Variants in PIK3R5 observed in about 807,000 individuals in gnomAD.
PIK3R5 encodes phosphoinositide-3-kinase regulatory subunit 5, also known as phosphoinositide 3-kinase regulatory subunit 5.
Under a neutral mutation model 94.9 loss-of-function variants are expected in PIK3R5, and 32 were observed. The observed-to-expected ratio is 0.34, with a 90% CI of 0.25 to 0.45. The LOEUF (loss-of-function observed/expected upper bound fraction) is 0.45. PIK3R5 is among the 20% of genes least tolerant of loss of function. The pLI, the probability that PIK3R5 is intolerant of heterozygous loss-of-function variation, is 1.00. For missense variants in PIK3R5, 853 were observed against 1,144.6 expected (o/e 0.75, Z 3.68); for synonymous variants, 443 against 479.4 (o/e 0.92, Z 0.99).
intron 5 of PIK3R5, among the ~76,000 whole-genome samples, chr17:8,900,891 C>T (rs754098325): frequency 5.3e-5 from 8 of 152,120 alleles, no homozygotes; most frequent in Non-Finnish European, 1.0e-4. Flanking sequence ...GGGAAGTGGT[C>T]TCCCCACAGG....
chr17:8,964,312 G>C (rs576382703), intron 1 of PIK3R5, among the ~76,000 whole-genome samples: 7 of 152,138 alleles, frequency 4.6e-5, no homozygotes, highest in African/African-American at 1.7e-4. Context: ...GATTGCTTGA[G>C]CCTGGGAATT....
chr17:8,887,731 G>A lies in PIK3R5; in HGVS notation c.1617-48C>T, dbSNP rs372758982. ...AAGGGGAATGGGCATGGTGGCTCAC[G>A]CCTGTAATCCCAGCACTTTGGGAGG... On this transcript the variant is annotated intron_variant, in intron 10 of 18. Coordinates refer to ENST00000447110, the MANE Select transcript of PIK3R5 (RefSeq NM_001142633.3). 82 of 1,529,952 alleles carry A rather than the reference G, an allele frequency of 5.4e-5. No homozygotes were observed. In the African/African-American group the frequency reaches 8.4e-4, roughly 16 times the overall value. The allele number at this position is 1,529,952 out of a possible 1,614,324, so 94.8% of individuals were successfully genotyped here.
intron 1 of PIK3R5, among the ~76,000 whole-genome samples, chr17:8,949,715 C>T (rs749409493): frequency 4.0e-4 from 61 of 152,032 alleles, no homozygotes; most frequent in Admixed American, 1.3e-3. Context: ...CTAAGCTATA[C>T]GGATGCAAAG....
chr17:8,942,963 T>TACACACATACACAC (rs1555552847), intron 1 of PIK3R5, among the ~76,000 whole-genome samples: 1 of 149,068 alleles, frequency 6.7e-6, no homozygotes, highest in Non-Finnish European at 1.5e-5. Context: ...GATCACGTCA[T>TACACACATACACAC]ACACACACAC....
At chr17:8,905,577 T>G in intron 4 of PIK3R5, 92 bp downstream of exon 4, 2 of 851,946 alleles carry the variant, frequency 2.3e-6, no homozygotes, top group Non-Finnish European at 3.6e-6. Flanking sequence ...CTCTCTCTGC[T>G]TATCTCCAGA....
chr17:8,924,238 C>T (rs1387789375), intron 1 of PIK3R5, among the ~76,000 whole-genome samples: 1 of 126,964 alleles, frequency 7.9e-6, no homozygotes, highest in Non-Finnish European at 1.7e-5. Context: ...GTCACAATGC[C>T]TGGCTAATTT....
At chr17:8,936,674 G>A (rs550431084) in intron 1 of PIK3R5, among the ~76,000 whole-genome samples, 1 of 152,230 alleles carries the variant, frequency 6.6e-6, no homozygotes, top group East Asian at 1.9e-4. Context: ...CTCTATAGCA[G>A]GTCTTAGTAA....
At chr17:8,946,258 G>A (rs546298846) in intron 1 of PIK3R5, among the ~76,000 whole-genome samples, 1 of 151,822 alleles carries the variant, frequency 6.6e-6, no homozygotes, top group South Asian at 2.1e-4. Context: ...GCCGCTTACC[G>A]AGATCAGGTC....
rs371330242 is a variant in PIK3R5, at chr17:8,920,903, G to A, written c.-13-9396C>T. Among the ~76,000 whole-genome samples, 32 of 148,188 alleles carry A rather than the reference G, an allele frequency of 2.2e-4. 1 individual carries two copies. In the South Asian group the frequency reaches 5.9e-3, roughly 27 times the overall value. ...GTTGCCCAGGCTGGAGTGCAATGGC[G>A]CAATCTTGGCTCACTGCAACCTCTG... On this transcript the variant is annotated intron_variant, in intron 1 of 18. Coordinates refer to ENST00000447110, the MANE Select transcript of PIK3R5 (RefSeq NM_001142633.3).
chr17:8,913,990 T>C (rs2090581520), intron 1 of PIK3R5, among the ~76,000 whole-genome samples: 1 of 152,208 alleles, frequency 6.6e-6, no homozygotes, highest in Admixed American at 6.5e-5. Flanking sequence ...AGGCCTCATC[T>C]TTCTGCCTCC....
chr17:8,904,932 C>A lies in PIK3R5; in HGVS notation c.274-17G>T. 2 of 1,610,184 alleles carry A rather than the reference C, an allele frequency of 1.2e-6. No homozygotes were observed. Among genetic ancestry groups the A allele is most frequent in the Non-Finnish European group, 1.7e-6 (2 of 1,179,856 alleles). On this transcript the variant is annotated splice_polypyrimidine_tract_variant and intron_variant, in intron 4 of 18. Coordinates refer to ENST00000447110, the MANE Select transcript of PIK3R5 (RefSeq NM_001142633.3). The surrounding 1 kb of genome is among the most constrained non-coding windows in gnomAD (Gnocchi z 5.1). ...GTGTGGTGTCTAGGATGGAGGCAGG[C>A]AACAAGCAAAGAGATCTAGGTGAGA...
rs758830427 is a variant in PIK3R5 at position 8,888,764 on chromosome 17, G to T, written c.1023C>A (p.Ala341=). The T allele has an allele frequency of 6.2e-7, 1 of 1,613,352 alleles. No homozygotes were observed. Among genetic ancestry groups the T allele is most frequent in the South Asian group, 1.1e-5 (1 of 91,084 alleles). The change falls in exon 10 of 19, where the codon GCC becomes GCA. Residue 341 remains alanine, a synonymous_variant. Coordinates refer to ENST00000447110, the MANE Select transcript of PIK3R5 (RefSeq NM_001142633.3). The surrounding 1 kb of genome is among the most constrained non-coding windows in gnomAD (Gnocchi z 7.8). The part of the protein sequence containing the change: ...EEDLETDGHC[A]ERDSLLSTSS... ...TGGTGGAGAGCAGGGAATCTCTCTC[G>T]GCACAGTGCCCGTCAGTTTCCAAGT...
At position 8,925,094 on chromosome 17, in the gene PIK3R5, TAGAA is replaced by T. The variant is rs2090846525; in HGVS notation, c.-13-13591_-13-13588del. On this transcript the variant is annotated intron_variant, in intron 1 of 18. Transcript: ENST00000447110. The surrounding 1 kb of genome is among the most constrained non-coding windows in gnomAD (Gnocchi z 5.1). ...GATGGATAGATAGATAGTGGATAGA[TAGAA>T]AGTAGATGGATAGATAGATAGTAGA... is the stretch of plus-strand genomic sequence containing the variant. 6.6e-6 allele frequency among the ~76,000 whole-genome samples: 1 copy of T among 150,444 alleles called. No homozygotes were observed. Among genetic ancestry groups the T allele is most frequent in the African/African-American group, 2.4e-5 (1 of 40,834 alleles).
chr17:8,939,069 G>T (rs1467000157), intron 1 of PIK3R5, among the ~76,000 whole-genome samples: 1 of 152,182 alleles, frequency 6.6e-6, no homozygotes, highest in Non-Finnish European at 1.5e-5. Context: ...CCTGTCAGCT[G>T]CTGGAAGAGG....
At chr17:8,938,034 C>T (rs554617865) in intron 1 of PIK3R5, among the ~76,000 whole-genome samples, 11 of 152,306 alleles carry the variant, frequency 7.2e-5, no homozygotes, top group African/African-American at 2.2e-4. Context: ...TGGTCTTGAA[C>T]GCCTGACCTC....
At position 8,935,013 on chromosome 17, in the gene PIK3R5, T is replaced by C. The variant is rs1183559762; in HGVS notation, c.-13-23506A>G. On this transcript the variant is annotated intron_variant, in intron 1 of 18. Transcript: ENST00000447110. This position sits in a 1 kb window ranked among gnomAD's most constrained non-coding sequence, Gnocchi z 4.5. The stretch of plus-strand genomic sequence containing the variant: ...GCCTCTGCCTGAAACATTTCCACCA[T>C]GTTCCCCTGTTTCTGATGTGGATCT... 6.6e-6 allele frequency among the ~76,000 whole-genome samples: 1 copy of C among 152,204 alleles called. No individual in the cohort carries two copies. Among genetic ancestry groups the C allele is most frequent in the East Asian group, 1.9e-4 (1 of 5,198 alleles).
intron 1 of PIK3R5, among the ~76,000 whole-genome samples, chr17:8,931,661 A>G (rs1475448516): frequency 6.6e-6 from 1 of 152,194 alleles, no homozygotes; most frequent in African/African-American, 2.4e-5. Flanking sequence ...CGTGAAAAAG[A>G]AGAGCTCAAG....
At chr17:8,959,994 G>A (rs1182447337) in intron 1 of PIK3R5, among the ~76,000 whole-genome samples, 1 of 152,216 alleles carries the variant, frequency 6.6e-6, no homozygotes, top group Non-Finnish European at 1.5e-5. Context: ...TCAGTGGAAA[G>A]GAGAAGAGAG....
intron 5 of PIK3R5, among the ~76,000 whole-genome samples, chr17:8,900,825 TC>T (rs1390723837): frequency 6.6e-6 from 1 of 152,112 alleles, no homozygotes; most frequent in Non-Finnish European, 1.5e-5. Context: ...TGCAAAAATA[TC>T]TCAAGGCATA....
Sources: gnomAD v4.1 joint callset for allele counts (sites outside exome capture counted in the v4.1 genomes callset) on GRCh38, gnomAD v4.1.1 for gene constraint, Gnocchi (gnomAD v3.1) non-coding constraint, MANE v1.5 for transcripts, NCBI Gene and HGNC (gene_info 2026-07-23, HGNC 2026-07-21) for gene names.